The following HMGXB3 variants were observed in gnomAD, a reference collection of about 807,000 sequenced individuals.
The protein encoded by HMGXB3 is HMG-box containing 3, also known as HMG domain-containing protein 3.
In HMGXB3, 45 loss-of-function variants were observed where a neutral mutation model predicts 121.5. That is an observed-to-expected ratio of 0.37 (90% CI 0.29 to 0.47). The LOEUF is 0.47. Ranked by LOEUF, HMGXB3 falls within the 20% of genes least tolerant of loss-of-function variation. The pLI is 0.99. For missense variants in HMGXB3, 1,376 were observed against 1,602.2 expected (o/e 0.86, Z 2.41); for synonymous variants, 590 against 624.1 (o/e 0.95, Z 0.81).
intron 9 of HMGXB3, among the ~76,000 whole-genome samples, chr5:150,030,082 A>G (rs997847098): frequency 6.6e-6 from 1 of 152,252 alleles, no homozygotes; most frequent in Non-Finnish European, 1.5e-5. Context: ...ATATTCAGAA[A>G]ATCAACTTAA....
At chr5:150,050,730 CT>C (rs1756870473) in intron 19 of HMGXB3, among the ~76,000 whole-genome samples, 1 of 152,244 alleles carries the variant, frequency 6.6e-6, no homozygotes, top group East Asian at 1.9e-4. Context: ...ATCCACATGC[CT>C]CAGCCTGTCA....
At chr5:150,018,407 GTTGTA>G in intron 5 of HMGXB3, among the ~76,000 whole-genome samples, 154 bp from the exon 6 acceptor site, 1 of 152,278 alleles carries the variant, frequency 6.6e-6, no homozygotes, top group East Asian at 1.9e-4. Context: ...GAGTGAATTT[GTTGTA>G]TTGTAGGACC....
chr5:150,051,817 C>T lies in HMGXB3; in HGVS notation c.3504C>T (p.Ala1168=), dbSNP rs1432809480. Residue 1168 remains alanine, a synonymous_variant, in exon 20 of 20, where the codon GCC becomes GCT. Transcript: ENST00000502717. ...HSIQHPVTKT[A]TRRIVHAGLQ... is the part of the protein sequence containing the mutation. ...TCCAGCACCCAGTCACCAAGACTGC[C>T]ACGCGGCGCATCGTCCATGCAGGCC... 6.5e-7 allele frequency: 1 copy of T among 1,549,060 alleles called. No homozygotes were observed. The highest frequency in any genetic ancestry group is 2.0e-5 in the Admixed American group (1 of 51,014).
In HMGXB3 at chr5:150,052,321, C is replaced by CAAAG; in HGVS notation, c.*131_*134dup. 1.4e-6 allele frequency: 1 copy of CAAAG among 717,238 alleles called. No individual in the cohort carries two copies. The highest frequency in any genetic ancestry group is 2.3e-6 in the Non-Finnish European group (1 of 441,768). The allele number at this position is 717,238 out of a possible 1,614,324, so 44.4% of individuals were successfully genotyped here. ...AGGGCCTCTGACTGCTGGGACTGAC[C>CAAAG]AAAGAGCTTCCATTCCCTGAGCATG... is the stretch of plus-strand genomic sequence containing the variant. On this transcript the variant is annotated 3_prime_UTR_variant, in exon 20 of 20. Coordinates refer to ENST00000502717, the MANE Select transcript of HMGXB3 (RefSeq NM_014983.3).
chr5:150,038,240 G>C (rs567990287), intron 13 of HMGXB3, among the ~76,000 whole-genome samples: 8 of 152,156 alleles, frequency 5.3e-5, no homozygotes, highest in African/African-American at 1.9e-4. Flanking sequence ...TTTGTTTGTA[G>C]AATTGAGTGC....
chr5:150,006,309 T>G (rs11742537), intron 2 of HMGXB3, among the ~76,000 whole-genome samples, 164 bp from the exon 3 acceptor site: 18,190 of 152,206 alleles, frequency 0.12, 1,317 homozygotes, highest in Admixed American at 0.26. Flanking sequence ...TGCTTAGAAA[T>G]GAGAAGCTAG....
At chr5:150,005,598 C>CAAAAAAAAAAAAAA (rs760181326) in intron 2 of HMGXB3, among the ~76,000 whole-genome samples, 3 of 82,032 alleles carry the variant, frequency 3.7e-5, no homozygotes, top group Admixed American at 1.2e-4. Context: ...AAACTCCTCT[C>CAAAAAAAAAAAAAA]AAAAAAAAAA....
At chr5:150,026,661 C>T in intron 7 of HMGXB3, 45 bp from the exon 8 acceptor site, 1 of 1,512,590 alleles carries the variant, frequency 6.6e-7, no homozygotes, top group Non-Finnish European at 8.9e-7. Flanking sequence ...TGGTTTTCTT[C>T]CCTTTGTTCC....
At chr5:150,020,243 T>A (rs1338702772) in intron 6 of HMGXB3, among the ~76,000 whole-genome samples, 1 of 152,248 alleles carries the variant, frequency 6.6e-6, no homozygotes, top group African/African-American at 2.4e-5. Context: ...AGGAAGGGCC[T>A]AGTGCTAATG....
At chr5:150,047,839 T>C in intron 17 of HMGXB3, 82 bp downstream of exon 17, 2 of 1,452,972 alleles carry the variant, frequency 1.4e-6, no homozygotes, top group Non-Finnish European at 1.9e-6. Context: ...GATATGAATA[T>C]CTGTGATGGC....
At chr5:150,049,216 C>G (rs745905172) in intron 18 of HMGXB3, among the ~76,000 whole-genome samples, 1 of 152,158 alleles carries the variant, frequency 6.6e-6, no homozygotes, top group African/African-American at 2.4e-5. Flanking sequence ...GAGGGCTCCC[C>G]CGGGGGGCCA....
intron 6 of HMGXB3, chr5:150,021,986 A>C (rs1224060408): frequency 2.6e-6 from 1 of 384,832 alleles, no homozygotes; most frequent in African/African-American, 2.1e-5. Flanking sequence ...AGTCAGGAGC[A>C]GGAGCGGGCA....
intron 3 of HMGXB3, among the ~76,000 whole-genome samples, chr5:150,008,330 T>C (rs1419525937): frequency 6.6e-6 from 1 of 152,150 alleles, no homozygotes; most frequent in Non-Finnish European, 1.5e-5. Flanking sequence ...TTTTAACTTT[T>C]GAGTCTTGGT....
intron 2 of HMGXB3, among the ~76,000 whole-genome samples, chr5:150,005,841 G>A (rs540154595): frequency 6.6e-4 from 100 of 152,270 alleles, no homozygotes; most frequent in African/African-American, 2.4e-3. Context: ...CACGGAGTGT[G>A]AGTGATAACC....
rs1460007345 is a variant in HMGXB3 at position 150,030,737 on chromosome 5, AC to A, written c.1735-3del. Reference sequence around the variant, plus strand: ...AGCACTAAATAATTTGTTCTGATCCACAGCTACCAAGTGGCCCATCCAACAG... The same window carrying A: ...AGCACTAAATAATTTGTTCTGATCCAAGCTACCAAGTGGCCCATCCAACAG... On this transcript the variant is annotated splice_region_variant and splice_polypyrimidine_tract_variant and intron_variant, in intron 9 of 19. Coordinates refer to ENST00000502717, the MANE Select transcript of HMGXB3 (RefSeq NM_014983.3). The A allele has an allele frequency of 1.9e-6, 3 of 1,551,076 alleles. No individual in the cohort carries two copies. Among genetic ancestry groups the A allele is most frequent in the Middle Eastern group, 1.7e-4 (1 of 5,996 alleles).
Position 150,032,580 on chromosome 5 carries a change from A to G in HMGXB3, c.1960A>G (p.Thr654Ala). ...SCGVNLAKDR[T>A]EKTTKAIEVS... ...TGGTGTTAACCTTGCCAAAGACCGG[A>G]CTGAGAAAACCACCAAGGCTATCGT... Residue 654 changes from threonine to alanine, a missense_variant, in exon 11 of 20, where the codon ACT (threonine) becomes GCT (alanine). Physicochemically the swap from Thr to Ala is moderately conservative, Grantham distance 58. Transcript: ENST00000502717. 6.4e-7 allele frequency: 1 copy of G among 1,552,280 alleles called. No individual in the cohort carries two copies. The highest frequency in any genetic ancestry group is 8.7e-7 in the Non-Finnish European group (1 of 1,147,104).
At chr5:150,010,044 T>G in intron 3 of HMGXB3, 67 bp from the exon 4 acceptor site, 1 of 1,443,790 alleles carries the variant, frequency 6.9e-7, no homozygotes, top group Non-Finnish European at 9.2e-7. Context: ...TATATCTTTC[T>G]CTCTCCATGT....
At chr5:150,035,313 T>C (rs1044714666) in intron 11 of HMGXB3, among the ~76,000 whole-genome samples, 6 of 152,286 alleles carry the variant, frequency 3.9e-5, no homozygotes, top group Admixed American at 6.5e-5. Flanking sequence ...GGAGCCAGCA[T>C]GCATAGAGAT....
At chr5:150,048,008 G>A (rs1756800188) in intron 17 of HMGXB3, among the ~76,000 whole-genome samples, 1 of 152,194 alleles carries the variant, frequency 6.6e-6, no homozygotes. Context: ...CCTCCTTACT[G>A]TGTGTGACCT....
Sources: allele counts gnomAD v4.1 joint callset (sites outside exome capture counted in the v4.1 genomes callset), GRCh38; gene constraint gnomAD v4.1.1; transcripts MANE v1.5; gene names NCBI Gene and HGNC (gene_info 2026-07-23, HGNC 2026-07-21).